The following LRRC37A2 variants were observed in gnomAD, a reference collection of about 807,000 sequenced individuals.
LRRC37A2 encodes the protein leucine-rich repeat-containing protein 37A2.
Under a neutral mutation model 68.8 loss-of-function variants are expected in LRRC37A2, and 9 were observed. The ratio of observed to expected loss-of-function variants is 0.13; its 90% CI spans 0.08 to 0.23. The LOEUF (loss-of-function observed/expected upper bound fraction) is 0.23. LRRC37A2 is among the 10% of genes least tolerant of loss of function. LRRC37A2 has a pLI of 1.00. For missense variants in LRRC37A2, 168 were observed against 950.4 expected (o/e 0.18, Z 10.82); for synonymous variants, 63 against 367.6 (o/e 0.17, Z 9.48).
chr17:47,043,832 G>A, the LRRC37A2 span, among the ~76,000 whole-genome samples: 3 of 134,440 alleles, frequency 2.2e-5, no homozygotes, highest in Non-Finnish European at 3.3e-5. Flanking sequence ...CTGAGGTCAG[G>A]AGTTCAAAAC....
At chr17:46,779,550 G>T in the LRRC37A2 span, among the ~76,000 whole-genome samples, 9 of 152,324 alleles carry the variant, frequency 5.9e-5, no homozygotes, top group East Asian at 1.7e-3. Context: ...GATGGGCTGC[G>T]GGTGCCCTGC....
At chr17:46,765,403 A>G in the LRRC37A2 span, among the ~76,000 whole-genome samples, 11 of 152,254 alleles carry the variant, frequency 7.2e-5, no homozygotes, top group African/African-American at 2.4e-4. Context: ...CACCAAATCA[A>G]TGGTTAGCCA....
At chr17:46,681,790 G>C in the LRRC37A2 span, among the ~76,000 whole-genome samples, 1 of 47,468 alleles carries the variant, frequency 2.1e-5, no homozygotes. Context: ...AGTCTCATTG[G>C]TTCTAGCAGG....
chr17:46,707,858 C>T, the LRRC37A2 span, among the ~76,000 whole-genome samples: 1 of 151,874 alleles, frequency 6.6e-6, no homozygotes, highest in African/African-American at 2.4e-5. Flanking sequence ...ATAGTGAAAC[C>T]CCATCTCTAC....
At chr17:46,666,239 AT>A in the LRRC37A2 span, among the ~76,000 whole-genome samples, 1 of 36,710 alleles carries the variant, frequency 2.7e-5, no homozygotes, top group East Asian at 7.4e-4. Context: ...GCTTCTATGA[AT>A]GGGTACATGT....
chr17:46,887,698 A>T, the LRRC37A2 span, among the ~76,000 whole-genome samples: 1 of 152,128 alleles, frequency 6.6e-6, no homozygotes, highest in Non-Finnish European at 1.5e-5. Flanking sequence ...CAGGAGGTGA[A>T]GGTTTCAGTG....
chr17:46,741,703 C>T, the LRRC37A2 span, among the ~76,000 whole-genome samples: 3 of 152,142 alleles, frequency 2.0e-5, no homozygotes, highest in Non-Finnish European at 2.9e-5. Context: ...TAATGGTAGT[C>T]GATCTTTTCC....
chr17:46,715,629 G>A, the LRRC37A2 span, among the ~76,000 whole-genome samples: 1 of 152,152 alleles, frequency 6.6e-6, no homozygotes, highest in South Asian at 2.1e-4. Flanking sequence ...TTTTTAAAAA[G>A]TACTTCAGGC....
the LRRC37A2 span, among the ~76,000 whole-genome samples, chr17:46,929,244 A>G: frequency 1.3e-5 from 2 of 152,162 alleles, no homozygotes; most frequent in Admixed American, 1.3e-4. Context: ...TAAAATGAGG[A>G]TGATAATGGT....
At chr17:47,018,183 G>T in the LRRC37A2 span, 42 of 1,605,012 alleles carry the variant, frequency 2.6e-5, 1 homozygote, top group South Asian at 4.3e-4. Flanking sequence ...TCAGTTTCCA[G>T]AGGAGGTGGA....
the LRRC37A2 span, among the ~76,000 whole-genome samples, chr17:46,822,963 C>G: frequency 4.7e-5 from 7 of 150,338 alleles, no homozygotes; most frequent in African/African-American, 7.3e-5. Context: ...TGTCTTAGCT[C>G]TAGCTCCCCA....
chr17:46,777,939 AGCCATGGTGCCAGGGT>A, the LRRC37A2 span, among the ~76,000 whole-genome samples: 1 of 152,124 alleles, frequency 6.6e-6, no homozygotes, highest in Non-Finnish European at 1.5e-5. Flanking sequence ...TGGACCTGGG[AGCCATGGTGCCAGGGT>A]CCCATCCAGC....
At chr17:46,941,823 T>G in the LRRC37A2 span, 3 of 451,660 alleles carry the variant, frequency 6.6e-6, no homozygotes, top group Non-Finnish European at 8.8e-6. Flanking sequence ...TGGCCTCAAG[T>G]GATCTGCCTG....
At chr17:46,858,465 TTTTTA>T in the LRRC37A2 span, among the ~76,000 whole-genome samples, 3,691 of 151,254 alleles carry the variant, frequency 0.024, 146 homozygotes, top group African/African-American at 0.084. Flanking sequence ...CGTTTTCTCC[TTTTTA>T]TTTTATTTTA....
At chr17:46,776,854 C>T in the LRRC37A2 span, among the ~76,000 whole-genome samples, 3 of 152,160 alleles carry the variant, frequency 2.0e-5, no homozygotes, top group African/African-American at 7.2e-5. Context: ...GAGAGGCACT[C>T]GGAGACCCTT....
chr17:46,923,219 C>T, the LRRC37A2 span: 2 of 1,550,798 alleles, frequency 1.3e-6, no homozygotes, highest in East Asian at 4.9e-5. Flanking sequence ...AGCAAACGCA[C>T]AAGTGAGGGC....
At chr17:46,853,295 G>A in the LRRC37A2 span, among the ~76,000 whole-genome samples, 1,264 of 149,338 alleles carry the variant, frequency 8.5e-3, 78 homozygotes, top group Admixed American at 0.08. Context: ...TAAGAAGATT[G>A]AGCTAGTACA....
chr17:46,707,342 C>T, the LRRC37A2 span, among the ~76,000 whole-genome samples: 1 of 152,122 alleles, frequency 6.6e-6, no homozygotes, highest in Non-Finnish European at 1.5e-5. Context: ...GATACAAGTT[C>T]TTTATATACT....
At chr17:46,766,404 C>G in the LRRC37A2 span, among the ~76,000 whole-genome samples, 1 of 149,346 alleles carries the variant, frequency 6.7e-6, no homozygotes, top group Non-Finnish European at 1.5e-5. Flanking sequence ...GAGACTCAGT[C>G]TCAAAAAAAA....
Sources: allele counts gnomAD v4.1 joint callset (sites outside exome capture counted in the v4.1 genomes callset), GRCh38; gene constraint gnomAD v4.1.1; transcripts MANE v1.5; gene names NCBI Gene and HGNC (gene_info 2026-07-23, HGNC 2026-07-21).